The following PCSK5 variants were observed in gnomAD, a reference collection of about 807,000 sequenced individuals.
PCSK5 encodes the protein prohormone convertase 5.
A neutral mutation model predicts 233.2 loss-of-function variants in PCSK5; 129 were observed. The observed-to-expected ratio is 0.55, with a 90% CI of 0.48 to 0.64. The LOEUF is 0.64. Among genes scored for constraint, PCSK5 ranks in the 30% least tolerant of loss-of-function variants. The pLI, the probability that PCSK5 is intolerant of heterozygous loss-of-function variation, is 0.00. For synonymous variants in PCSK5, 825 were observed against 879.2 expected, an observed-to-expected ratio of 0.94 and a Z score of 1.09; for missense variants, 2,076 against 2,430.1, an observed-to-expected ratio of 0.85 and a Z score of 3.06.
chr9:76,279,033 G>A lies in PCSK5; in HGVS notation c.3143-13200G>A, dbSNP rs185803075. 5.7e-3 allele frequency among the ~76,000 whole-genome samples: 860 copies of A among 149,834 alleles called. 12 individuals are homozygous for A. Among genetic ancestry groups the A allele is most frequent in the African/African-American group, 0.019 (774 of 40,438 alleles). Reference sequence around the variant, plus strand: ...CCCACTAACTCGTCATCTAGCATTAGGCATGTCTCCCAATGCTATCCCTCC... The same window carrying A: ...CCCACTAACTCGTCATCTAGCATTAAGCATGTCTCCCAATGCTATCCCTCC... On this transcript the variant is annotated intron_variant, in intron 24 of 37. Coordinates refer to ENST00000674117, the MANE Select transcript of PCSK5 (RefSeq NM_001372043.1).
At chr9:76,177,858 G>A (rs1364805094) in intron 14 of PCSK5, among the ~76,000 whole-genome samples, 1 of 152,006 alleles carries the variant, frequency 6.6e-6, no homozygotes, top group Non-Finnish European at 1.5e-5. Context: ...CTTCATCTGG[G>A]ACAGTTTAAG....
intron 3 of PCSK5, among the ~76,000 whole-genome samples, chr9:76,018,179 C>G (rs1828031140): frequency 1.3e-5 from 2 of 152,100 alleles, no homozygotes; most frequent in Admixed American, 1.3e-4. Flanking sequence ...CAGTGGTACC[C>G]TGGATCCACC....
At chr9:75,922,070 C>T (rs1313939697) in intron 1 of PCSK5, among the ~76,000 whole-genome samples, 1 of 152,182 alleles carries the variant, frequency 6.6e-6, no homozygotes, top group East Asian at 1.9e-4. Context: ...TTCACTCTGT[C>T]TGCAGTGTCT....
intron 1 of PCSK5, among the ~76,000 whole-genome samples, chr9:75,908,875 T>TTATCTATCTATCTATCTATCTATC (rs58985562): frequency 1.0e-4 from 12 of 116,100 alleles, no homozygotes; most frequent in East Asian, 4.9e-4. Flanking sequence ...CTCTTTCTAT[T>TTATCTATCTATCTATCTATCTATC]TATCTATCTA....
At chr9:76,331,844 TC>T (rs754664975) in intron 33 of PCSK5, among the ~76,000 whole-genome samples, 3 of 151,994 alleles carry the variant, frequency 2.0e-5, no homozygotes, top group Non-Finnish European at 2.9e-5. Flanking sequence ...GGAAACAGAT[TC>T]CCTCCTAGAG....
At chr9:76,210,006 T>C (rs1329324460) in intron 20 of PCSK5, among the ~76,000 whole-genome samples, 1 of 151,976 alleles carries the variant, frequency 6.6e-6, no homozygotes, top group Non-Finnish European at 1.5e-5. Flanking sequence ...CTGTTCTAAG[T>C]GGGAGAGTGT....
intron 1 of PCSK5, among the ~76,000 whole-genome samples, chr9:75,906,637 A>G (rs768870948): frequency 1.3e-5 from 2 of 152,216 alleles, no homozygotes; most frequent in African/African-American, 2.4e-5. Flanking sequence ...AGGTCAGAAC[A>G]GTGTAAATGG....
chr9:76,299,670 AAAC>A (rs1369286877), intron 27 of PCSK5, among the ~76,000 whole-genome samples: 4 of 152,082 alleles, frequency 2.6e-5, no homozygotes, highest in African/African-American at 9.7e-5. Flanking sequence ...ACTCCATCTA[AAAC>A]AACAACAACA....
intron 16 of PCSK5, among the ~76,000 whole-genome samples, chr9:76,183,498 G>A (rs1191844509): frequency 6.6e-6 from 1 of 152,204 alleles, no homozygotes; most frequent in East Asian, 1.9e-4. Flanking sequence ...AACCAGAGAG[G>A]TGGGTAACAT....
intron 9 of PCSK5, among the ~76,000 whole-genome samples, chr9:76,124,372 A>G (rs1231325103): frequency 6.6e-6 from 1 of 152,178 alleles, no homozygotes; most frequent in Non-Finnish European, 1.5e-5. Flanking sequence ...AGCAAGGTAA[A>G]GCTAATATTC....
chr9:76,052,065 C>A (rs1343714958), intron 5 of PCSK5, among the ~76,000 whole-genome samples: 1 of 152,026 alleles, frequency 6.6e-6, no homozygotes, highest in Non-Finnish European at 1.5e-5. Context: ...AGAAAAGGAA[C>A]CAAAAAGCAT....
chr9:76,124,347 AT>A (rs1832758503), intron 9 of PCSK5, among the ~76,000 whole-genome samples: 1 of 152,164 alleles, frequency 6.6e-6, no homozygotes, highest in African/African-American at 2.4e-5. Context: ...AGACTCAGTA[AT>A]TTTTAGTCCT....
At chr9:76,191,216 CAAA>C (rs1179109605) in intron 20 of PCSK5, among the ~76,000 whole-genome samples, 1 of 151,952 alleles carries the variant, frequency 6.6e-6, no homozygotes, top group Non-Finnish European at 1.5e-5. Flanking sequence ...AGAAAACAAA[CAAA>C]AAATATGCAG....
intron 3 of PCSK5, among the ~76,000 whole-genome samples, chr9:76,005,737 C>CATT (rs1167833539): frequency 6.6e-6 from 1 of 152,182 alleles, no homozygotes; most frequent in Non-Finnish European, 1.5e-5. Flanking sequence ...GGGAATATAG[C>CATT]ATTATTAGAT....
chr9:75,913,849 A>G (rs13299419), intron 1 of PCSK5, among the ~76,000 whole-genome samples: 49,023 of 151,894 alleles, frequency 0.32, 8,555 homozygotes, highest in African/African-American at 0.42. Context: ...AGTAATTCCT[A>G]CTGTATTATT....
intron 9 of PCSK5, among the ~76,000 whole-genome samples, chr9:76,133,040 C>T (rs1396268131): frequency 6.6e-6 from 1 of 151,996 alleles, no homozygotes; most frequent in East Asian, 1.9e-4. Flanking sequence ...AAAGAGAGTG[C>T]AGAAAGACTA....
intron 27 of PCSK5, among the ~76,000 whole-genome samples, chr9:76,300,700 A>G (rs2131422431): frequency 6.6e-6 from 1 of 152,326 alleles, no homozygotes; most frequent in South Asian, 2.1e-4. Context: ...GGCACAGCAC[A>G]CATGAATTCA....
chr9:76,080,219 A>G (rs890650993), intron 7 of PCSK5, among the ~76,000 whole-genome samples: 1 of 152,146 alleles, frequency 6.6e-6, no homozygotes, highest in African/African-American at 2.4e-5. Context: ...CTTTTTGACA[A>G]GGTCACAGTG....
chr9:75,911,241 A>C (rs1247649240), intron 1 of PCSK5, among the ~76,000 whole-genome samples: 1 of 26,496 alleles, frequency 3.8e-5, no homozygotes, highest in African/African-American at 1.5e-4. Context: ...TTGCTAAGCT[A>C]TTCTATTGCC....
Sources: gnomAD v4.1 joint callset for allele counts (sites outside exome capture counted in the v4.1 genomes callset) on GRCh38, gnomAD v4.1.1 for gene constraint, MANE v1.5 for transcripts, NCBI Gene and HGNC (gene_info 2026-07-23, HGNC 2026-07-21) for gene names.